Variants in BMP5 observed in about 807,000 individuals in gnomAD.
The protein encoded by BMP5 is bone morphogenetic protein 5.
A neutral mutation model predicts 46.6 loss-of-function variants in BMP5; 23 were observed. The ratio of observed to expected loss-of-function variants is 0.49; its 90% CI spans 0.35 to 0.70. The LOEUF (loss-of-function observed/expected upper bound fraction) is 0.70. BMP5 is among the 30% of genes least tolerant of loss of function. BMP5 has a pLI of 0.00. For missense variants in BMP5, 545 were observed against 565.6 expected (o/e 0.96, Z 0.37); for synonymous variants, 204 against 191.9 (o/e 1.06, Z -0.52).
At chr6:55,837,335 T>TTAGATAGA (rs34459081) in intron 1 of BMP5, among the ~76,000 whole-genome samples, 14,587 of 123,926 alleles carry the variant, frequency 0.12, 768 homozygotes, top group East Asian at 0.19. Flanking sequence ...TAAAACTAAT[T>TTAGATAGA]TAGATAGATA....
chr6:55,847,327 G>A (rs897171605), intron 1 of BMP5, among the ~76,000 whole-genome samples: 16 of 151,848 alleles, frequency 1.1e-4, no homozygotes, highest in Non-Finnish European at 1.5e-4. Flanking sequence ...TGTTTGTAAC[G>A]TGTCCTTTTC....
rs1774536386 is a variant in BMP5, at chr6:55,754,700, TTA to T, written c.*831_*832del. 1 of 151,996 alleles carries T rather than the reference TTA, an allele frequency of 6.6e-6. No individual in the cohort carries two copies. Among genetic ancestry groups the T allele is most frequent in the Non-Finnish European group, 1.5e-5 (1 of 67,938 alleles). 9.4% of individuals were successfully genotyped at this position (151,996 alleles called of 1,614,324 possible). A position where few individuals can be genotyped will look rare whatever the true frequency, so the allele number is the denominator to read the frequency against. Reference sequence around the variant, plus strand: ...AAGTGGAGCACATGTAAATGTTTCTTTATTTTGGACTAGGTTTTTAAATCTGA... The same window carrying T: ...AAGTGGAGCACATGTAAATGTTTCTTTTTTGGACTAGGTTTTTAAATCTGA... On this transcript the variant is annotated 3_prime_UTR_variant, in exon 7 of 7. Transcript: ENST00000370830.
intron 2 of BMP5, among the ~76,000 whole-genome samples, chr6:55,794,982 G>A (rs1016865939): frequency 3.3e-5 from 5 of 152,076 alleles, no homozygotes; most frequent in Non-Finnish European, 5.9e-5. Flanking sequence ...TAAATCCCAT[G>A]AGTTGAGTGG....
At chr6:55,869,414 C>T (rs975281302) in intron 1 of BMP5, among the ~76,000 whole-genome samples, 1 of 152,024 alleles carries the variant, frequency 6.6e-6, no homozygotes, top group Non-Finnish European at 1.5e-5. Flanking sequence ...TCTGTCTCAT[C>T]CTTATTCCTG....
intron 6 of BMP5, among the ~76,000 whole-genome samples, chr6:55,757,934 C>A (rs1443786395): frequency 6.6e-6 from 1 of 151,840 alleles, no homozygotes; most frequent in Non-Finnish European, 1.5e-5. Context: ...TTTGCTTTTG[C>A]CAGTTCACAG....
chr6:55,776,528 T>C (rs1236202086), intron 3 of BMP5, among the ~76,000 whole-genome samples: 1 of 151,940 alleles, frequency 6.6e-6, no homozygotes, highest in Non-Finnish European at 1.5e-5. Flanking sequence ...TTTTTCATTT[T>C]TTTTTTCTGT....
At chr6:55,792,954 C>T (rs1775610351) in intron 3 of BMP5, among the ~76,000 whole-genome samples, 1 of 152,084 alleles carries the variant, frequency 6.6e-6, no homozygotes, top group Admixed American at 6.5e-5. Context: ...CTCCCTGTCC[C>T]TGGTGATAAC....
At chr6:55,832,402 C>G (rs1776687877) in intron 1 of BMP5, among the ~76,000 whole-genome samples, 1 of 152,130 alleles carries the variant, frequency 6.6e-6, no homozygotes, top group South Asian at 2.1e-4. Context: ...AGGACAATAC[C>G]TCCCCAGAAA....
intron 3 of BMP5, among the ~76,000 whole-genome samples, chr6:55,781,265 C>G (rs1775310939): frequency 1.3e-5 from 2 of 152,080 alleles, no homozygotes; most frequent in Admixed American, 1.3e-4. Flanking sequence ...TTTTCTTCTT[C>G]TTCTCCAGTT....
chr6:55,857,268 T>C (rs1777422692), intron 1 of BMP5, among the ~76,000 whole-genome samples: 1 of 152,180 alleles, frequency 6.6e-6, no homozygotes, highest in East Asian at 1.9e-4. Context: ...AAATGACATT[T>C]TAAAAACTAT....
intron 1 of BMP5, among the ~76,000 whole-genome samples, chr6:55,848,510 A>C (rs1777150349): frequency 1.3e-5 from 2 of 152,012 alleles, no homozygotes. Flanking sequence ...ATGGTATCAC[A>C]ATGAAAAGAA....
At position 55,799,207 on chromosome 6, in the gene BMP5, A is replaced by G. The variant is rs17840219; in HGVS notation, c.684-4780T>C. ...ACCAAGTGCAATACTTTGAATATCT[A>G]TCTGGTTAAGAGGTAAATTACACTT... On this transcript the variant is annotated intron_variant, in intron 2 of 6. Coordinates refer to ENST00000370830, the MANE Select transcript of BMP5 (RefSeq NM_021073.4). Among the ~76,000 whole-genome samples, 1,153 of 152,288 alleles carry G rather than the reference A, an allele frequency of 7.6e-3. 46 individuals carry two copies. The highest frequency in any genetic ancestry group is 0.062 in the Admixed American group (946 of 15,288).
At chr6:55,870,885 G>A (rs1036604606) in intron 1 of BMP5, among the ~76,000 whole-genome samples, 6 of 151,964 alleles carry the variant, frequency 3.9e-5, no homozygotes, top group East Asian at 1.9e-4. Context: ...GAATTAAAAC[G>A]TATTCTTGAA....
rs571057991 is a variant in BMP5, at chr6:55,848,686, C to T, written c.490+25690G>A. ...TTGTTGCAGAAAGATAATATCATCT[C>T]CTGGTTTTCAACTTCAGTCTCTATG... On this transcript the variant is annotated intron_variant, in intron 1 of 6. Coordinates refer to ENST00000370830, the MANE Select transcript of BMP5 (RefSeq NM_021073.4). Among the ~76,000 whole-genome samples, 18 of 151,960 alleles carry T rather than the reference C, an allele frequency of 1.2e-4. No homozygotes were observed. In the South Asian group the frequency reaches 3.7e-3, roughly 32 times the overall value.
intron 1 of BMP5, among the ~76,000 whole-genome samples, chr6:55,873,610 A>G (rs1777834091): frequency 6.6e-6 from 1 of 151,934 alleles, no homozygotes; most frequent in Non-Finnish European, 1.5e-5. Flanking sequence ...TACAACTAAA[A>G]CATAATTTTA....
chr6:55,857,366 T>C (rs1777424897), intron 1 of BMP5, among the ~76,000 whole-genome samples: 1 of 152,224 alleles, frequency 6.6e-6, no homozygotes, highest in African/African-American at 2.4e-5. Context: ...ATGATAAATA[T>C]GTATAATGAA....
intron 2 of BMP5, among the ~76,000 whole-genome samples, chr6:55,816,260 A>G (rs1562052078): frequency 6.6e-6 from 1 of 152,080 alleles, no homozygotes; most frequent in Non-Finnish European, 1.5e-5. Context: ...TACCGAGGAA[A>G]ATGGTAGTGC....
At position 55,866,444 on chromosome 6, in the gene BMP5, A is replaced by G. The variant is rs1777641663; in HGVS notation, c.490+7932T>C. On this transcript the variant is annotated intron_variant, in intron 1 of 6. Transcript: ENST00000370830. ...AACATTATTTATGCCTGCAACATTA[A>G]CTATGGAATGCGAATGCTGCATGTG... Among the ~76,000 whole-genome samples the G allele has an allele frequency of 2.0e-5, 3 of 152,208 alleles. No homozygotes were observed. In the South Asian group the frequency reaches 6.2e-4, roughly 32 times the overall value.
intron 2 of BMP5, among the ~76,000 whole-genome samples, chr6:55,801,677 G>A (rs1412246409): frequency 6.6e-6 from 1 of 152,170 alleles, no homozygotes; most frequent in Non-Finnish European, 1.5e-5. Context: ...TCTCCACTTT[G>A]CTCTTGGCTA....
Sources: allele counts gnomAD v4.1 joint callset (sites outside exome capture counted in the v4.1 genomes callset), GRCh38; gene constraint gnomAD v4.1.1; transcripts MANE v1.5; gene names NCBI Gene and HGNC (gene_info 2026-07-23, HGNC 2026-07-21).